The following LRRC4C variants were observed in gnomAD, a reference collection of about 807,000 sequenced individuals.
LRRC4C encodes leucine-rich repeat-containing protein 4C.
In LRRC4C, 5 loss-of-function variants were observed where a neutral mutation model predicts 33.6. The ratio of observed to expected loss-of-function variants is 0.15; its 90% CI spans 0.08 to 0.31. The LOEUF is 0.31. Among genes scored for constraint, LRRC4C ranks in the 10% least tolerant of loss-of-function variants. The probability of loss-of-function intolerance (pLI) is 1.00; values close to 1 mark genes in which losing one functional copy is unlikely to be tolerated. For missense variants in LRRC4C, 560 were observed against 796.7 expected (o/e 0.70, Z 3.58); for synonymous variants, 329 against 302.0 (o/e 1.09, Z -0.93).
At chr11:41,146,512 C>T (rs1299985652) in intron 1 of LRRC4C, among the ~76,000 whole-genome samples, 1 of 152,220 alleles carries the variant, frequency 6.6e-6, no homozygotes, top group African/African-American at 2.4e-5. Flanking sequence ...TGATTCTTTA[C>T]ATTGTTTAGA....
At chr11:41,260,165 T>C (rs1205339317) in intron 1 of LRRC4C, among the ~76,000 whole-genome samples, 2 of 152,022 alleles carry the variant, frequency 1.3e-5, no homozygotes, top group Admixed American at 1.3e-4. Context: ...AACTACTTGT[T>C]TATAACTTTC....
intron 2 of LRRC4C, among the ~76,000 whole-genome samples, chr11:40,894,076 G>T (rs1955836638): frequency 6.6e-6 from 1 of 151,994 alleles, no homozygotes; most frequent in African/African-American, 2.4e-5. Context: ...TTTGTTAATT[G>T]AATTCTTAGA....
intron 2 of LRRC4C, among the ~76,000 whole-genome samples, chr11:40,858,929 T>C (rs79196342): frequency 6.1e-4 from 93 of 152,142 alleles, no homozygotes; most frequent in African/African-American, 2.1e-3. Flanking sequence ...TCTTGCCAAA[T>C]AGACAAAAAC....
At chr11:41,097,178 G>A (rs1940861464) in intron 1 of LRRC4C, among the ~76,000 whole-genome samples, 1 of 152,142 alleles carries the variant, frequency 6.6e-6, no homozygotes, top group African/African-American at 2.4e-5. Context: ...TGCACTAGAA[G>A]TACAGTTGTG....
intron 1 of LRRC4C, among the ~76,000 whole-genome samples, chr11:41,043,106 G>T: frequency 7.4e-6 from 1 of 135,838 alleles, no homozygotes. Context: ...TGACGAGGAA[G>T]GGATTGAATT....
chr11:40,308,614 G>C (rs1281466578), intron 4 of LRRC4C, among the ~76,000 whole-genome samples: 1 of 152,164 alleles, frequency 6.6e-6, no homozygotes, highest in Non-Finnish European at 1.5e-5. Context: ...TAACATAATT[G>C]CTGGGCAAGT....
At chr11:40,321,161 T>C (rs1263520041) in intron 3 of LRRC4C, among the ~76,000 whole-genome samples, 2 of 152,200 alleles carry the variant, frequency 1.3e-5, no homozygotes, top group African/African-American at 2.4e-5. Flanking sequence ...GTAAGATAGC[T>C]TACAGAATTT....
rs1954214187 is a variant in LRRC4C, at chr11:41,405,918, A to C, written c.-496+53513T>G. Among the ~76,000 whole-genome samples, 5 of 152,170 alleles carry C rather than the reference A, an allele frequency of 3.3e-5. No homozygotes were observed. The South Asian group carries it at 1.0e-3, about 31-fold the overall frequency. On this transcript the variant is annotated intron_variant, in intron 1 of 6. Transcript: ENST00000528697. The stretch of plus-strand genomic sequence containing the variant: ...AGCCTAGTGAAAGATAAAAAATATA[A>C]AAGAAAAACTAAGGATACATGCTCT...
At chr11:40,768,024 A>C (rs995056007) in intron 2 of LRRC4C, among the ~76,000 whole-genome samples, 1 of 152,054 alleles carries the variant, frequency 6.6e-6, no homozygotes, top group Non-Finnish European at 1.5e-5. Context: ...ACAAAATATA[A>C]ACAAAATAAA....
intron 1 of LRRC4C, among the ~76,000 whole-genome samples, chr11:41,271,881 C>A (rs1159007291): frequency 1.3e-5 from 2 of 152,038 alleles, no homozygotes; most frequent in African/African-American, 4.8e-5. Flanking sequence ...GTTAAACTAC[C>A]ACTATATGCT....
chr11:40,826,675 G>A (rs1565106073), intron 2 of LRRC4C, among the ~76,000 whole-genome samples: 1 of 151,866 alleles, frequency 6.6e-6, no homozygotes, highest in Non-Finnish European at 1.5e-5. Context: ...TATTAATCTA[G>A]CCTTGATACT....
intron 2 of LRRC4C, among the ~76,000 whole-genome samples, chr11:40,825,856 T>A (rs1952139239): frequency 1.3e-5 from 2 of 150,966 alleles, no homozygotes; most frequent in Middle Eastern, 3.5e-3. Flanking sequence ...AGTTGTATAT[T>A]CTTTTCGTAA....
intron 1 of LRRC4C, among the ~76,000 whole-genome samples, chr11:41,456,291 T>A (rs1956169362): frequency 6.6e-6 from 1 of 152,062 alleles, no homozygotes; most frequent in African/African-American, 2.4e-5. Flanking sequence ...TCAAGTTCAA[T>A]CCACCTGATC....
intron 1 of LRRC4C, among the ~76,000 whole-genome samples, chr11:41,039,406 G>A (rs999398817): frequency 5.3e-5 from 8 of 151,896 alleles, no homozygotes; most frequent in Non-Finnish European, 7.4e-5. Flanking sequence ...ATTCACCCTC[G>A]CACATTTTAC....
chr11:40,461,371 A>T (rs988278818), intron 3 of LRRC4C, among the ~76,000 whole-genome samples: 4 of 152,074 alleles, frequency 2.6e-5, no homozygotes, highest in Non-Finnish European at 5.9e-5. Flanking sequence ...CAGCTCTTCT[A>T]TTTACTAGCT....
chr11:40,174,013 T>C (rs1440338476), intron 5 of LRRC4C, among the ~76,000 whole-genome samples: 1 of 152,112 alleles, frequency 6.6e-6, no homozygotes, highest in Non-Finnish European at 1.5e-5. Flanking sequence ...CTTGTATAAG[T>C]TACCTTCTTT....
chr11:40,565,622 A>G (rs763671677), intron 3 of LRRC4C, among the ~76,000 whole-genome samples: 18 of 152,026 alleles, frequency 1.2e-4, no homozygotes, highest in South Asian at 2.1e-4. Context: ...GCGACATCCA[A>G]TTCCTCACCC....
At chr11:41,243,820 TA>T (rs1948346617) in intron 1 of LRRC4C, among the ~76,000 whole-genome samples, 1 of 152,124 alleles carries the variant, frequency 6.6e-6, no homozygotes, top group African/African-American at 2.4e-5. Context: ...TTTGGTGATA[TA>T]TAATATATAT....
intron 3 of LRRC4C, among the ~76,000 whole-genome samples, chr11:40,637,034 C>T (rs888738248): frequency 4.6e-5 from 7 of 152,140 alleles, no homozygotes; most frequent in African/African-American, 1.7e-4. Context: ...AGCATCTGGG[C>T]CCCCAGAGCA....
Sources: gnomAD v4.1 joint callset for allele counts (sites outside exome capture counted in the v4.1 genomes callset) on GRCh38, gnomAD v4.1.1 for gene constraint, MANE v1.5 for transcripts, NCBI Gene and HGNC (gene_info 2026-07-23, HGNC 2026-07-21) for gene names.